Variants in FLAD1 observed in about 807,000 individuals in gnomAD.
FLAD1 encodes the protein bifunctional FAD diphosphatase/FAD synthase.
A neutral mutation model predicts 55.0 loss-of-function variants in FLAD1; 35 were observed. The observed-to-expected ratio is 0.64, with a 90% CI of 0.49 to 0.84. The LOEUF (loss-of-function observed/expected upper bound fraction) is 0.84. Among genes scored for constraint, FLAD1 ranks in the 40% least tolerant of loss-of-function variants. FLAD1 has a pLI of 0.00. For missense variants in FLAD1, 665 were observed against 742.6 expected (o/e 0.90, Z 1.21); for synonymous variants, 267 against 303.0 (o/e 0.88, Z 1.23).
intron 5 of FLAD1, chr1:154,992,424 CAG>C (rs1265997611): frequency 4.1e-6 from 3 of 739,810 alleles, no homozygotes; most frequent in East Asian, 5.4e-5. Context: ...GCCTGGGCGA[CAG>C]AGCCAGACTC....
intron 1 of FLAD1, among the ~76,000 whole-genome samples, chr1:154,985,550 G>C (rs1320247913): frequency 1.3e-5 from 2 of 151,608 alleles, no homozygotes; most frequent in East Asian, 3.9e-4. Context: ...CTACAGGCAT[G>C]TGCCACCACA....
chr1:154,989,030 C>G, intron 2 of FLAD1, 181 bp downstream of exon 2: 1 of 1,418,442 alleles, frequency 7.0e-7, no homozygotes, highest in East Asian at 2.5e-5. Context: ...CAGCACTGTG[C>G]TAGGTGTTGG....
At chr1:154,987,744 C>G in intron 1 of FLAD1, 1 of 400,184 alleles carries the variant, frequency 2.5e-6, no homozygotes, top group Non-Finnish European at 4.5e-6. Context: ...CAACACCAGC[C>G]TGGGCAACAT....
At chr1:154,992,215 C>T (rs1353210982) in intron 5 of FLAD1, among the ~76,000 whole-genome samples, 3 of 150,448 alleles carry the variant, frequency 2.0e-5, no homozygotes, top group Non-Finnish European at 4.4e-5. Context: ...GAGGCCGTGG[C>T]GGGCGGATCA....
chr1:154,987,878 A>G (rs2102243863), intron 1 of FLAD1: 17 of 1,360,702 alleles, frequency 1.2e-5, no homozygotes, highest in Non-Finnish European at 1.6e-5. Flanking sequence ...GCTGCAGTGA[A>G]CTGTGACTGA....
In FLAD1 at chr1:154,992,367, C is replaced by T. The variant is rs141290330; in HGVS notation, c.1555-346C>T. ...CTGAGGCAGGAGAATGGCATGAACC[C>T]GGGAGGCAGAGGTTGCAGTGAGCCA... is the stretch of plus-strand genomic sequence containing the variant. On this transcript the variant is annotated intron_variant, in intron 5 of 6. Coordinates refer to ENST00000292180, the MANE Select transcript of FLAD1 (RefSeq NM_025207.5). Among the ~76,000 whole-genome samples the T allele has an allele frequency of 3.1e-4, 44 of 142,356 alleles. 1 individual carries two copies. The East Asian group carries it at 8.6e-3, about 28-fold the overall frequency. 93.4% of individuals were successfully genotyped at this position (142,356 alleles called of 152,430 possible). A position where few individuals can be genotyped will look rare whatever the true frequency, so the allele number is the denominator to read the frequency against.
chr1:154,985,617 G>T (rs1367619584), intron 1 of FLAD1, among the ~76,000 whole-genome samples: 1 of 151,758 alleles, frequency 6.6e-6, no homozygotes, highest in Non-Finnish European at 1.5e-5. Flanking sequence ...ATGTTGGCCA[G>T]GCTGGTCTCG....
chr1:154,992,489 C>T, intron 5 of FLAD1: 3 of 1,271,994 alleles, frequency 2.4e-6, no homozygotes, highest in Non-Finnish European at 3.4e-6. Flanking sequence ...TCCACCCTTG[C>T]ACTAGAGGGT....
At position 154,984,013 on chromosome 1, in the gene FLAD1, C is replaced by G. The variant is rs559495946; in HGVS notation, c.319C>G (p.Pro107Ala). Residue 107 changes from proline (P) to alanine (A), a missense_variant, in exon 1 of 7, where the codon CCG becomes GCG. Physicochemically the swap from Pro to Ala is conservative, Grantham distance 27. Transcript: ENST00000292180. ...TMTSRASELS[P>A]GRSVTAGIII... ...GACATCTAGGGCCTCTGAACTTTCT[C>G]CGGGGCGCAGCGTGACGGCTGGCAT... The G allele has an allele frequency of 2.6e-6, 4 of 1,515,186 alleles. No individual in the cohort carries two copies. The Admixed American group carries it at 9.1e-5, about 34-fold the overall frequency. 93.9% of individuals were successfully genotyped at this position (1,515,186 alleles called of 1,614,324 possible).
intron 1 of FLAD1, among the ~76,000 whole-genome samples, chr1:154,985,857 C>G (rs1657569828): frequency 6.6e-6 from 1 of 150,708 alleles, no homozygotes; most frequent in Non-Finnish European, 1.5e-5. Context: ...TCCCGAGTAG[C>G]TGGGATTACA....
chr1:154,990,525 G>C lies in FLAD1; in HGVS notation c.1551G>C (p.Leu517=), dbSNP rs200493231. The part of the protein sequence containing the change: ...GWPAFMRINP[L]LDWTYRDIWD... ...CCGCATTCATGCGCATCAACCCACT[G>C]CTGGTAATGGGGAAGAGGGTTTATC... The change falls in exon 5 of 7, where the codon CTG becomes CTC. Residue 517 remains leucine, a synonymous_variant. Coordinates refer to ENST00000292180, the MANE Select transcript of FLAD1 (RefSeq NM_025207.5). 1 of 1,597,616 alleles carries C rather than the reference G, an allele frequency of 6.3e-7. No homozygotes were observed. Among genetic ancestry groups the C allele is most frequent in the African/African-American group, 1.3e-5 (1 of 74,488 alleles).
At chr1:154,991,702 T>G (rs1204378406) in intron 5 of FLAD1, among the ~76,000 whole-genome samples, 2 of 152,196 alleles carry the variant, frequency 1.3e-5, no homozygotes, top group Non-Finnish European at 2.9e-5. Context: ...CCCAGCACTC[T>G]GGGAGGCCGA....
rs1657945122 is a variant in FLAD1, at chr1:154,992,929, T to C, written c.1656T>C (p.Asn552=). The C allele has an allele frequency of 6.2e-7, 1 of 1,613,718 alleles. No individual in the cohort carries two copies. The highest frequency in any genetic ancestry group is 1.7e-5 in the Admixed American group (1 of 59,972). ...ACACATCACTGGGGAGTCGGGAGAA[T>C]ACCGTGCGGAACCCGGCCCTGAAGT... ...RGYTSLGSRE[N]TVRNPALKCL... The change falls in exon 7 of 7, where the codon AAT becomes AAC. Residue 552 remains asparagine (N), a synonymous_variant. Coordinates refer to ENST00000292180, the MANE Select transcript of FLAD1 (RefSeq NM_025207.5).
At position 154,983,350 on chromosome 1, in the gene FLAD1, T is replaced by A. The variant is rs1297476247; in HGVS notation, c.-345T>A. 1 of 193,836 alleles carries A rather than the reference T, an allele frequency of 5.2e-6. No individual in the cohort carries two copies. Among genetic ancestry groups the A allele is most frequent in the Non-Finnish European group, 1.1e-5 (1 of 94,776 alleles). The allele number at this position is 193,836 out of a possible 1,614,324, so 12.0% of individuals were successfully genotyped here. A position where few individuals can be genotyped will look rare whatever the true frequency, so the allele number is the denominator to read the frequency against. On this transcript the variant is annotated 5_prime_UTR_variant, in exon 1 of 7. An upstream start codon of the reference 5' UTR is lost. Transcript: ENST00000292180. ...TAAGTACGGAAGCTGCCCCGGGACA[T>A]GAGGAAAGGAACAAGGGAAAGAGCC...
At chr1:154,990,559 TC>T in intron 5 of FLAD1, 31 bp downstream of exon 5, 1 of 1,552,800 alleles carries the variant, frequency 6.4e-7, no homozygotes, top group Non-Finnish European at 8.7e-7. Flanking sequence ...TCACCTTCAG[TC>T]TCACGTGCCC....
At position 154,992,949 on chromosome 1, in the gene FLAD1, T is replaced by A. The variant is rs997059325; in HGVS notation, c.1676T>A (p.Leu559Gln). 1 of 1,613,754 alleles carries A rather than the reference T, an allele frequency of 6.2e-7. No homozygotes were observed. Among genetic ancestry groups the A allele is most frequent in the African/African-American group, 1.3e-5 (1 of 74,772 alleles). Residue 559 changes from leucine to glutamine, a missense_variant, in exon 7 of 7, where the codon CTG (leucine) becomes CAG (glutamine). Leu to Gln is a moderately radical substitution (Grantham distance 113, BLOSUM62 -2). Transcript: ENST00000292180. Reference protein sequence around the residue: ...SRENTVRNPALKCLSPGGHPT... With the variant: ...SRENTVRNPAQKCLSPGGHPT... ...GAGAATACCGTGCGGAACCCGGCCC[T>A]GAAGTGCCTGAGCCCAGGAGGACAC...
At chr1:154,992,416 C>T in intron 5 of FLAD1, 1 of 700,912 alleles carries the variant, frequency 1.4e-6, no homozygotes, top group East Asian at 2.7e-5. Flanking sequence ...GCACTCCAGC[C>T]TGGGCGACAG....
chr1:154,986,021 G>C (rs1365070715), intron 1 of FLAD1, among the ~76,000 whole-genome samples: 3 of 49,730 alleles, frequency 6.0e-5, no homozygotes, highest in Admixed American at 1.8e-4. Flanking sequence ...GCGCCCGGCT[G>C]TGTGTGTGTG....
At chr1:154,988,937 C>G in intron 2 of FLAD1, 88 bp downstream of exon 2, 1 of 1,576,906 alleles carries the variant, frequency 6.3e-7, no homozygotes, top group Non-Finnish European at 8.6e-7. Flanking sequence ...TGGGTGCTTC[C>G]TGCAAATCCC....
Sources: gnomAD v4.1 joint callset for allele counts (sites outside exome capture counted in the v4.1 genomes callset) on GRCh38, gnomAD v4.1.1 for gene constraint, MANE v1.5 for transcripts, NCBI Gene and HGNC (gene_info 2026-07-23, HGNC 2026-07-21) for gene names.